PCGF3: variants seen among roughly 807,000 people sequenced by gnomAD.
PCGF3 encodes the protein polycomb group RING finger protein 3.
Under a neutral mutation model 33.1 loss-of-function variants are expected in PCGF3, and 7 were observed. That is an observed-to-expected ratio of 0.21 (90% confidence interval 0.12 to 0.40). The LOEUF (loss-of-function observed/expected upper bound fraction) is 0.40. Among genes scored for constraint, PCGF3 ranks in the 10% least tolerant of loss-of-function variants. PCGF3 has a pLI of 1.00. For missense variants in PCGF3, 211 were observed against 313.3 expected (o/e 0.67, Z 2.46); for synonymous variants, 153 against 121.3 (o/e 1.26, Z -1.72).
At chr4:752,247 C>G (rs979157183) in intron 8 of PCGF3, among the ~76,000 whole-genome samples, 1 of 152,220 alleles carries the variant, frequency 6.6e-6, no homozygotes, top group Non-Finnish European at 1.5e-5. Context: ...CCTCTCAGTT[C>G]TGCCTCCCGC....
chr4:707,526 C>T (rs1385621893), intron 1 of PCGF3, among the ~76,000 whole-genome samples: 2 of 128,576 alleles, frequency 1.6e-5, no homozygotes, highest in Non-Finnish European at 3.4e-5. Flanking sequence ...GGGGCCGGGA[C>T]CCTGGGACAG....
At position 731,370 on chromosome 4, in the gene PCGF3, GT is replaced by G. The variant is rs1577410530; in HGVS notation, c.-10+261del. 23 of 397,524 alleles carry G rather than the reference GT, an allele frequency of 5.8e-5. No individual in the cohort carries two copies. The East Asian group carries it at 8.3e-4, about 14-fold the overall frequency. The allele number at this position is 397,524 out of a possible 1,614,324, so 24.6% of individuals were successfully genotyped here. The stretch of plus-strand genomic sequence containing the variant: ...TCACTGGTTCACTTGGGTTCCCGGC[GT>G]GTCGCTGAGGAGCAGTGCTGCTTGG... On this transcript the variant is annotated intron_variant, in intron 3 of 10. Transcript: ENST00000362003.
chr4:714,900 TG>T (rs1742741481), intron 1 of PCGF3, among the ~76,000 whole-genome samples: 1 of 152,250 alleles, frequency 6.6e-6, no homozygotes, highest in African/African-American at 2.4e-5. Context: ...GTAACAGAAC[TG>T]GGCGTCGGTT....
Position 755,458 on chromosome 4 carries a change from G to A in PCGF3, c.463-5821G>A, listed in dbSNP as rs372641471. ...GAGCTGCAGGGCTACCTCCTCCCTC[G>A]CCGCCCCACGCTCACTGCAGGGATC... On this transcript the variant is annotated intron_variant, in intron 8 of 10. Coordinates refer to ENST00000362003, the Ensembl canonical transcript of PCGF3. Among the ~76,000 whole-genome samples the A allele has an allele frequency of 8.8e-4, 134 of 152,196 alleles. 1 individual carries two copies. The highest frequency in any genetic ancestry group is 1.9e-3 in the African/African-American group (77 of 41,506).
At chr4:715,591 T>G (rs1439518362) in intron 1 of PCGF3, among the ~76,000 whole-genome samples, 866 of 93,698 alleles carry the variant, frequency 9.2e-3, no homozygotes, top group Middle Eastern at 0.016. Flanking sequence ...ACACTGTGAG[T>G]GTGAGAACTG....
intron 3 of PCGF3, 90 bp downstream of exon 3, chr4:731,200 A>G (rs1018901698): frequency 1.3e-5 from 5 of 398,290 alleles, no homozygotes; most frequent in Non-Finnish European, 2.2e-5. Context: ...GATCATTAGG[A>G]GCCAGCTGGT....
At chr4:750,677 T>C (rs1193061309) in intron 8 of PCGF3, among the ~76,000 whole-genome samples, 2 of 152,188 alleles carry the variant, frequency 1.3e-5, no homozygotes, top group South Asian at 2.1e-4. Context: ...GCCTGGGAGA[T>C]TGTGAACTCC....
chr4:737,403 A>T, intron 5 of PCGF3, 63 bp from the exon 6 acceptor site: 1 of 1,049,742 alleles, frequency 9.5e-7, no homozygotes, highest in Non-Finnish European at 1.5e-6. Context: ...GTTAAATGGA[A>T]AGTGTACAAG....
chr4:765,139 G>C lies in PCGF3; in HGVS notation c.681+75G>C. 2 of 1,039,624 alleles carry C rather than the reference G, an allele frequency of 1.9e-6. 1 individual carries two copies. Among genetic ancestry groups the C allele is most frequent in the East Asian group, 4.9e-5 (2 of 41,230 alleles). The allele number at this position is 1,039,624 out of a possible 1,614,324, so 64.4% of individuals were successfully genotyped here. The stretch of plus-strand genomic sequence containing the variant: ...TTGCTGTGCATCTCTTATCTAAAAT[G>C]TTAAATGACTCCAGCTGGGTGCAGT... On this transcript the variant is annotated intron_variant, in intron 10 of 10. Coordinates refer to ENST00000362003, the Ensembl canonical transcript of PCGF3.
intron 9 of PCGF3, chr4:762,061 G>A: frequency 4.1e-6 from 4 of 985,390 alleles, no homozygotes; most frequent in Non-Finnish European, 4.8e-6. Flanking sequence ...GGCGGTCAGG[G>A]TGGAGAAGTG....
exon 11 of PCGF3, chr4:769,421 C>T (rs1745524031): frequency 6.5e-6 from 1 of 152,718 alleles, no homozygotes; most frequent in African/African-American, 2.4e-5. Context: ...ATAGCTAAAT[C>T]ACAAAACATC....
At chr4:762,851 A>G (rs2152624084) in intron 9 of PCGF3, 1 of 152,430 alleles carries the variant, frequency 6.6e-6, no homozygotes, top group East Asian at 1.9e-4. Context: ...TAATTCAGAG[A>G]AAGCCACAAT....
chr4:706,394 G>A (rs562506946), intron 1 of PCGF3, among the ~76,000 whole-genome samples: 50 of 146,340 alleles, frequency 3.4e-4, no homozygotes, highest in African/African-American at 1.2e-3. Context: ...GACGCAGGGA[G>A]GGCAAGACCC....
Position 720,699 on chromosome 4 carries a change from G to C in PCGF3, c.-189-9931G>C, listed in dbSNP as rs893747550. On this transcript the variant is annotated intron_variant, in intron 1 of 10. Transcript: ENST00000362003. This position sits in a 1 kb window ranked among gnomAD's most constrained non-coding sequence, Gnocchi z 5.6. ...CCGGGGTGGACGGGCGGTGACGTGC[G>C]TGTGGACCCGGCGTGGACGGGCGGT... is the stretch of plus-strand genomic sequence containing the variant. 6.7e-6 allele frequency among the ~76,000 whole-genome samples: 1 copy of C among 149,894 alleles called. No homozygotes were observed. Among genetic ancestry groups the C allele is most frequent in the Non-Finnish European group, 1.5e-5 (1 of 67,434 alleles).
At position 740,206 on chromosome 4, in the gene PCGF3, G is replaced by C. The variant is rs56756554; in HGVS notation, c.262+2685G>C. Among the ~76,000 whole-genome samples the C allele has an allele frequency of 7.2e-3, 1,104 of 152,360 alleles. 16 individuals carry two copies. The highest frequency in any genetic ancestry group is 0.025 in the African/African-American group (1,041 of 41,578). On this transcript the variant is annotated intron_variant, in intron 6 of 10. Coordinates refer to ENST00000362003, the Ensembl canonical transcript of PCGF3. ...TCAGCCCTTGAGGGTCCAGGTGTCT[G>C]TTTTGGAGGAGACGCCAACACGGTC...
chr4:758,683 C>T (rs865963496), intron 8 of PCGF3, among the ~76,000 whole-genome samples: 8 of 80,108 alleles, frequency 1.0e-4, no homozygotes, highest in Non-Finnish European at 2.1e-4. Flanking sequence ...TCTCCCCGCG[C>T]GGCCCCTCTC....
intron 1 of PCGF3, among the ~76,000 whole-genome samples, chr4:729,428 GAA>G (rs776853485): frequency 6.7e-6 from 1 of 148,246 alleles, no homozygotes; most frequent in Non-Finnish European, 1.5e-5. Context: ...AAAAAAAAAA[GAA>G]ATAATAATAA....
exon 2 of PCGF3, chr4:730,630 G>T (rs1402458272): frequency 1.2e-5 from 2 of 172,546 alleles, no homozygotes; most frequent in Non-Finnish European, 2.4e-5. Context: ...TTCTCCGCAG[G>T]CGTCACAATG....
intron 1 of PCGF3, among the ~76,000 whole-genome samples, chr4:706,262 G>A (rs1204132896): frequency 7.4e-6 from 1 of 134,746 alleles, no homozygotes; most frequent in Non-Finnish European, 1.6e-5. Flanking sequence ...CGCAGGGAGG[G>A]CAAGACCCCA....
Sources: gnomAD v4.1 joint callset for allele counts (sites outside exome capture counted in the v4.1 genomes callset) on GRCh38, gnomAD v4.1.1 for gene constraint, Gnocchi (gnomAD v3.1) non-coding constraint, MANE v1.5 for transcripts, NCBI Gene and HGNC (gene_info 2026-07-23, HGNC 2026-07-21) for gene names.